The following SLC24A3 variants were observed in gnomAD, a reference collection of about 807,000 sequenced individuals.
SLC24A3 encodes solute carrier family 24 member 3.
In SLC24A3, 28 loss-of-function variants were observed where a neutral mutation model predicts 75.8. The observed-to-expected ratio is 0.37, with a 90% CI of 0.27 to 0.51. The LOEUF is 0.51. SLC24A3 is among the 20% of genes least tolerant of loss of function. The probability of loss-of-function intolerance (pLI) is 0.94; values close to 1 mark genes in which losing one functional copy is unlikely to be tolerated. For synonymous variants in SLC24A3, 372 were observed against 334.1 expected (o/e 1.11, Z -1.24); for missense variants, 663 against 847.8 (o/e 0.78, Z 2.71).
chr20:19,220,124 C>T (rs1981666349), intron 1 of SLC24A3, among the ~76,000 whole-genome samples: 2 of 152,172 alleles, frequency 1.3e-5, no homozygotes, highest in African/African-American at 2.4e-5. Context: ...TAGGTGGGAG[C>T]TCCAGGAAAC....
At chr20:19,310,815 T>C (rs886286992) in intron 2 of SLC24A3, among the ~76,000 whole-genome samples, 12 of 152,216 alleles carry the variant, frequency 7.9e-5, no homozygotes, top group Admixed American at 6.5e-4. Flanking sequence ...ACCTGTTTCT[T>C]TAGCCACATT....
chr20:19,640,751 G>A (rs1034352897), intron 6 of SLC24A3, among the ~76,000 whole-genome samples: 2 of 152,126 alleles, frequency 1.3e-5, no homozygotes, highest in African/African-American at 4.8e-5. Flanking sequence ...ATCTGTTTCA[G>A]AAATTATATA....
intron 2 of SLC24A3, among the ~76,000 whole-genome samples, chr20:19,477,404 C>T (rs1039430948): frequency 1.3e-5 from 2 of 152,184 alleles, no homozygotes; most frequent in Non-Finnish European, 2.9e-5. Context: ...ACTGGTAGAA[C>T]CTGCAGGGAG....
At chr20:19,511,257 A>G (rs1187278306) in intron 2 of SLC24A3, among the ~76,000 whole-genome samples, 1 of 152,054 alleles carries the variant, frequency 6.6e-6, no homozygotes, top group East Asian at 1.9e-4. Context: ...GCCCCAGCCT[A>G]AGGCATGGGC....
Position 19,691,821 on chromosome 20 carries a change from C to T in SLC24A3, c.1325-1438C>T, listed in dbSNP as rs6046252. Among the ~76,000 whole-genome samples, 258 of 152,324 alleles carry T rather than the reference C, an allele frequency of 1.7e-3. 2 individuals carry two copies. The highest frequency in any genetic ancestry group is 6.0e-3 in the African/African-American group (250 of 41,562). ...TCATCTCATTTAATTCTCCCAGCAA[C>T]TCTGTGAGCTCGGTGCTGCTGTATA... On this transcript the variant is annotated intron_variant, in intron 12 of 16. Transcript: ENST00000328041.
At chr20:19,696,673 G>A (rs2032810099) in intron 13 of SLC24A3, 124 bp from the exon 14 acceptor site, 2 of 656,746 alleles carry the variant, frequency 3.0e-6, no homozygotes, top group Admixed American at 4.6e-5. Context: ...GATACAGAGA[G>A]CAGACATTGC....
intron 6 of SLC24A3, among the ~76,000 whole-genome samples, chr20:19,589,265 C>A (rs1393358691): frequency 1.3e-5 from 2 of 152,234 alleles, no homozygotes; most frequent in African/African-American, 4.8e-5. Context: ...AGATCTAATT[C>A]TTCTGTGGGA....
intron 4 of SLC24A3, among the ~76,000 whole-genome samples, chr20:19,583,843 G>A (rs1382920689): frequency 3.3e-5 from 5 of 152,188 alleles, no homozygotes; most frequent in Admixed American, 2.6e-4. Flanking sequence ...CTTAGGATCT[G>A]CTCGGCATCC....
rs550828772 is a variant in SLC24A3 at position 19,341,714 on chromosome 20, C to T, written c.271+60627C>T. ...AGTCCCCCAAATAGCAGCAGTTTCC[C>T]ATCCTGTAGACCCACAGAATACAGC... On this transcript the variant is annotated intron_variant, in intron 2 of 16. Coordinates refer to ENST00000328041, the MANE Select transcript of SLC24A3 (RefSeq NM_020689.4). Among the ~76,000 whole-genome samples the T allele has an allele frequency of 5.6e-4, 86 of 152,306 alleles. 1 individual carries two copies. In the South Asian group the frequency reaches 0.015, roughly 26 times the overall value.
chr20:19,244,791 T>C lies in SLC24A3; in HGVS notation c.142+31807T>C, dbSNP rs567798193. Among the ~76,000 whole-genome samples, 16 of 152,310 alleles carry C rather than the reference T, an allele frequency of 1.1e-4. No individual in the cohort carries two copies. In the South Asian group the frequency reaches 3.3e-3, roughly 32 times the overall value. ...CCTCCTGATCCAAAACAACAGGAAA[T>C]GCTGGATAATATCACAGCAGAGCTG... On this transcript the variant is annotated intron_variant, in intron 1 of 16. Transcript: ENST00000328041.
chr20:19,672,551 G>A (rs886314713), intron 8 of SLC24A3, among the ~76,000 whole-genome samples: 12 of 152,050 alleles, frequency 7.9e-5, no homozygotes, highest in Admixed American at 5.2e-4. Context: ...TGCTCAGGCT[G>A]TTCTGGAACT....
intron 6 of SLC24A3, among the ~76,000 whole-genome samples, chr20:19,620,950 A>G (rs572836835): frequency 3.3e-5 from 5 of 152,330 alleles, no homozygotes; most frequent in African/African-American, 1.2e-4. Flanking sequence ...CTAACTCTGA[A>G]AAGGCTTCTT....
At position 19,250,856 on chromosome 20, in the gene SLC24A3, T is replaced by C. The variant is rs182190424; in HGVS notation, c.143-30103T>C. ...ATCCACAATCCTCATAATGGCCTTA[T>C]AGGATGGAAATTGTTATCTTCATTT... On this transcript the variant is annotated intron_variant, in intron 1 of 16. Coordinates refer to ENST00000328041, the MANE Select transcript of SLC24A3 (RefSeq NM_020689.4). 2.6e-4 allele frequency among the ~76,000 whole-genome samples: 39 copies of C among 152,234 alleles called. No homozygotes were observed. The East Asian group carries it at 5.2e-3, about 20-fold the overall frequency.
chr20:19,517,878 A>T (rs1194956753), intron 3 of SLC24A3, among the ~76,000 whole-genome samples: 1 of 152,200 alleles, frequency 6.6e-6, no homozygotes, highest in Non-Finnish European at 1.5e-5. Flanking sequence ...AGCAGGGCAG[A>T]GACAAATGTT....
At chr20:19,307,291 C>T (rs529313834) in intron 2 of SLC24A3, among the ~76,000 whole-genome samples, 6 of 151,990 alleles carry the variant, frequency 3.9e-5, no homozygotes, top group African/African-American at 1.2e-4. Context: ...TCAATGGTCA[C>T]CCCCCTTTGA....
chr20:19,430,315 A>G (rs1987077979), intron 2 of SLC24A3, among the ~76,000 whole-genome samples: 1 of 152,178 alleles, frequency 6.6e-6, no homozygotes, highest in East Asian at 1.9e-4. Context: ...AATAATCAAA[A>G]CAGAGTTTTC....
chr20:19,316,942 A>C lies in SLC24A3; in HGVS notation c.271+35855A>C, dbSNP rs143580686. On this transcript the variant is annotated intron_variant, in intron 2 of 16. Coordinates refer to ENST00000328041, the MANE Select transcript of SLC24A3 (RefSeq NM_020689.4). ...GCTGCAAAGATCATCCCATCACCCA[A>C]GTATTAAGCCCAACATCCATTAGCT... is the stretch of plus-strand genomic sequence containing the variant. Among the ~76,000 whole-genome samples the C allele has an allele frequency of 9.5e-3, 1,445 of 152,220 alleles. 27 individuals are homozygous for C. The highest frequency in any genetic ancestry group is 0.033 in the African/African-American group (1,383 of 41,512).
intron 3 of SLC24A3, among the ~76,000 whole-genome samples, chr20:19,555,891 G>A (rs1331015785): frequency 1.3e-5 from 2 of 152,120 alleles, no homozygotes; most frequent in Non-Finnish European, 2.9e-5. Context: ...AGTCAATTCA[G>A]GCTGAAATAA....
chr20:19,230,947 A>G (rs1313453334), intron 1 of SLC24A3, among the ~76,000 whole-genome samples: 2 of 152,256 alleles, frequency 1.3e-5, no homozygotes, highest in Non-Finnish European at 2.9e-5. Flanking sequence ...TGTTACAAAG[A>G]AAAAGAAATT....
Sources: allele counts gnomAD v4.1 joint callset (sites outside exome capture counted in the v4.1 genomes callset), GRCh38; gene constraint gnomAD v4.1.1; transcripts MANE v1.5; gene names NCBI Gene and HGNC (gene_info 2026-07-23, HGNC 2026-07-21).